BIVM: variants seen among roughly 807,000 people sequenced by gnomAD.
The protein encoded by BIVM is basic immunoglobulin-like variable motif-containing protein.
In BIVM, 31 loss-of-function variants were observed where a neutral mutation model predicts 61.4. That is an observed-to-expected ratio of 0.51 (90% confidence interval 0.38 to 0.68). BIVM has a LOEUF of 0.68. Among genes scored for constraint, BIVM ranks in the 30% least tolerant of loss-of-function variants. The probability of loss-of-function intolerance (pLI) is 0.00; values close to 1 mark genes in which losing one functional copy is unlikely to be tolerated. For synonymous variants in BIVM, 189 were observed against 210.7 expected, an observed-to-expected ratio of 0.90 and a Z score of 0.89; for missense variants, 526 against 596.0, an observed-to-expected ratio of 0.88 and a Z score of 1.22.
rs1266097600 is a variant in BIVM at position 102,807,799 on chromosome 13, A to G, written c.478+54A>G. On this transcript the variant is annotated intron_variant, in intron 3 of 10. Transcript: ENST00000257336. This position sits in a 1 kb window ranked among gnomAD's most constrained non-coding sequence, Gnocchi z 4.0. ...TGAAAATAATGAGAAAACAAACACT[A>G]TGTCTTGTTTAATCTTGCCATTACA... 3.3e-6 allele frequency: 5 copies of G among 1,510,764 alleles called. No individual in the cohort carries two copies. Among genetic ancestry groups the G allele is most frequent in the South Asian group, 1.3e-5 (1 of 78,348 alleles). The allele number at this position is 1,510,764 out of a possible 1,614,324, so 93.6% of individuals were successfully genotyped here.
chr13:102,831,518 C>A (rs746437151), intron 7 of BIVM, 47 bp from the exon 8 acceptor site: 2 of 1,611,246 alleles, frequency 1.2e-6, no homozygotes, highest in Non-Finnish European at 1.7e-6. Context: ...AAAGCATGGA[C>A]ACTGCTTTAT....
chr13:102,828,516 C>T (rs1436559506), intron 7 of BIVM, among the ~76,000 whole-genome samples: 4 of 152,176 alleles, frequency 2.6e-5, no homozygotes, highest in African/African-American at 4.8e-5. Flanking sequence ...AGTACATCTC[C>T]GGTGGACAAT....
intron 9 of BIVM, 74 bp downstream of exon 9, chr13:102,834,626 T>A: frequency 7.2e-7 from 1 of 1,385,634 alleles, no homozygotes; most frequent in Non-Finnish European, 9.6e-7. Context: ...ATCTTAGTTG[T>A]ATATAATTAG....
chr13:102,833,567 A>G (rs893824172), intron 8 of BIVM, among the ~76,000 whole-genome samples: 2 of 151,842 alleles, frequency 1.3e-5, no homozygotes, highest in African/African-American at 4.8e-5. Flanking sequence ...CAGTGATCTG[A>G]CCATGTCAGT....
chr13:102,819,415 A>T (rs994712625), intron 4 of BIVM, among the ~76,000 whole-genome samples: 1 of 152,220 alleles, frequency 6.6e-6, no homozygotes, highest in Non-Finnish European at 1.5e-5. Context: ...GGGAGGACTC[A>T]ATAGATTTGA....
Position 102,816,527 on chromosome 13 carries a change from A to T in BIVM, c.578A>T (p.Gln193Leu), listed in dbSNP as rs1370772502. 2 of 1,587,708 alleles carry T rather than the reference A, an allele frequency of 1.3e-6. No homozygotes were observed. The highest frequency in any genetic ancestry group is 3.8e-5 in the Admixed American group (2 of 53,330). Residue 193 changes from glutamine (Q) to leucine (L), a missense_variant, in exon 4 of 11, where the codon CAG becomes CTG. By Grantham distance (113) the Gln-to-Leu change is moderately radical (BLOSUM62 -2). Around this residue, in one of 3 missense-constraint regions of BIVM, gnomAD observed 312 missense variants for 343.8 expected, o/e 0.91. Transcript: ENST00000257336. ...CATTCTCCTCTTGAAGATATTAAAC[A>T]GCGGAAAGTATTAGACCTCAGACGA... ...PQHSPLEDIK[Q>L]RKVLDLRRWY... is the part of the protein sequence containing the mutation.
At chr13:102,829,980 T>G (rs960277588) in intron 7 of BIVM, among the ~76,000 whole-genome samples, 5 of 152,220 alleles carry the variant, frequency 3.3e-5, no homozygotes, top group African/African-American at 1.2e-4. Flanking sequence ...TCCTACCCTG[T>G]ATTCTATAAA....
intron 2 of BIVM, among the ~76,000 whole-genome samples, chr13:102,805,760 T>G (rs1879029136): frequency 6.6e-6 from 1 of 151,854 alleles, no homozygotes; most frequent in Non-Finnish European, 1.5e-5. Context: ...ATACACTATC[T>G]GGTCCTTTGT....
At chr13:102,830,591 C>T (rs1880994634) in intron 7 of BIVM, among the ~76,000 whole-genome samples, 1 of 152,140 alleles carries the variant, frequency 6.6e-6, no homozygotes, top group South Asian at 2.1e-4. Flanking sequence ...TACTACCAGC[C>T]TGTCTCTGTA....
Position 102,821,756 on chromosome 13 carries a change from A to G in BIVM, c.715A>G (p.Thr239Ala). Residue 239 changes from threonine (T) to alanine (A), a missense_variant, in exon 6 of 11, where the codon ACC becomes GCC. Physicochemically the swap from Thr to Ala is moderately conservative, Grantham distance 58 (BLOSUM62 0). This residue lies in a region of BIVM where 312 missense variants were observed against 343.8 expected (regional missense o/e 0.91). Transcript: ENST00000257336. ...TTTCTTTTGTAGCCTTCCACCTATT[A>G]CCCAAGAAGAAGCTTTACATATTCT... is the stretch of plus-strand genomic sequence containing the variant. ...TMGAGNLPPI[T>A]QEEALHILGF... 6.2e-7 allele frequency: 1 copy of G among 1,613,420 alleles called. No homozygotes were observed. The highest frequency in any genetic ancestry group is 1.1e-5 in the South Asian group (1 of 90,788).
intron 8 of BIVM, among the ~76,000 whole-genome samples, chr13:102,833,286 C>G (rs1256277646): frequency 1.4e-5 from 2 of 140,660 alleles, no homozygotes; most frequent in Non-Finnish European, 3.1e-5. Flanking sequence ...GCCATGAGTA[C>G]TTTGAGCAAA....
intron 1 of BIVM, among the ~76,000 whole-genome samples, chr13:102,802,376 T>C (rs1342401236): frequency 6.6e-6 from 1 of 152,158 alleles, no homozygotes; most frequent in South Asian, 2.1e-4. Context: ...CTCACTATAG[T>C]GGAGAGAATA....
At chr13:102,828,277 C>T (rs550051275) in intron 7 of BIVM, among the ~76,000 whole-genome samples, 16 of 152,286 alleles carry the variant, frequency 1.1e-4, no homozygotes, top group East Asian at 9.7e-4. Flanking sequence ...AGATAACTTC[C>T]GAGTATGGGT....
chr13:102,834,416 T>G, intron 8 of BIVM, 50 bp from the exon 9 acceptor site: 1 of 1,514,510 alleles, frequency 6.6e-7, no homozygotes. Context: ...TGAAGCAATA[T>G]ACTCAAGGGA....
Position 102,807,843 on chromosome 13 carries a change from T to A in BIVM, c.478+98T>A. On this transcript the variant is annotated intron_variant, in intron 3 of 10. Transcript: ENST00000257336. The surrounding 1 kb of genome is among the most constrained non-coding windows in gnomAD (Gnocchi z 4.0). ...CATTACACATAGTTTCCTTGTATAA[T>A]ACTAGATAAGGAACATGGCTATCAT... 1 of 1,282,406 alleles carries A rather than the reference T, an allele frequency of 7.8e-7. No homozygotes were observed. Among genetic ancestry groups the A allele is most frequent in the East Asian group, 2.4e-5 (1 of 40,968 alleles). 79.4% of individuals were successfully genotyped at this position (1,282,406 alleles called of 1,614,324 possible).
At chr13:102,830,832 G>A (rs1473997534) in intron 7 of BIVM, among the ~76,000 whole-genome samples, 1 of 152,166 alleles carries the variant, frequency 6.6e-6, no homozygotes, top group African/African-American at 2.4e-5. Flanking sequence ...CTCACAGATT[G>A]AATCCCAGGT....
chr13:102,840,330 G>A lies in BIVM; in HGVS notation c.*465G>A, dbSNP rs1303337238. On this transcript the variant is annotated 3_prime_UTR_variant, in exon 11 of 11. Transcript: ENST00000257336. ...CTGTCAATTTCTAGTTTTCACTCAT[G>A]GTTAACACGCATTTAAAATTATTTC... The A allele has an allele frequency of 6.5e-6, 1 of 153,296 alleles. No individual in the cohort carries two copies. The highest frequency in any genetic ancestry group is 2.4e-5 in the African/African-American group (1 of 41,426). The allele number at this position is 153,296 out of a possible 1,614,324, so 9.5% of individuals were successfully genotyped here.
rs1209595883 is a variant in BIVM at position 102,807,301 on chromosome 13, G to A, written c.34G>A (p.Asp12Asn). 6.2e-7 allele frequency: 1 copy of A among 1,611,652 alleles called. No individual in the cohort carries two copies. The highest frequency in any genetic ancestry group is 8.5e-7 in the Non-Finnish European group (1 of 1,177,988). Residue 12 changes from aspartate (D) to asparagine (N), a missense_variant, in exon 3 of 11, where the codon GAT becomes AAT. Transcript: ENST00000257336. This position sits in a 1 kb window ranked among gnomAD's most constrained non-coding sequence, Gnocchi z 4.0. ...PNVAETERSN[D>N]SGNGEHKSER... ...CGTTGCAGAAACAGAAAGGTCAAAT[G>A]ATTCTGGAAATGGTGAGCACAAATC...
chr13:102,802,291 A>AT (rs1878796263), intron 1 of BIVM, among the ~76,000 whole-genome samples: 1 of 152,184 alleles, frequency 6.6e-6, no homozygotes, highest in African/African-American at 2.4e-5. Flanking sequence ...TCAGTAATAA[A>AT]TTGTGCTTAG....
Sources: allele counts gnomAD v4.1 joint callset (sites outside exome capture counted in the v4.1 genomes callset), GRCh38; gene constraint gnomAD v4.1.1; regional missense constraint gnomAD v4.1.1; non-coding constraint Gnocchi (gnomAD v3.1); transcripts MANE v1.5; gene names NCBI Gene and HGNC (gene_info 2026-07-23, HGNC 2026-07-21).